The following ZNF28 variants were observed in gnomAD, a reference collection of about 807,000 sequenced individuals.
ZNF28 encodes the protein zinc finger protein KOX24.
Under a neutral mutation model 7.2 loss-of-function variants are expected in ZNF28, and 5 were observed. That is an observed-to-expected ratio of 0.70 (90% CI 0.36 to 1.46). ZNF28 has a LOEUF of 1.46. ZNF28 is among the 40% of genes most tolerant of loss of function. The probability of loss-of-function intolerance (pLI) is 0.03; values close to 1 mark genes in which losing one functional copy is unlikely to be tolerated. For missense variants in ZNF28, 879 were observed against 866.6 expected (o/e 1.01, Z -0.18); for synonymous variants, 288 against 292.4 (o/e 0.99, Z 0.15).
At chr19:52,815,040 C>A (rs2063104053) in intron 2 of ZNF28, among the ~76,000 whole-genome samples, 1 of 143,644 alleles carries the variant, frequency 7.0e-6, no homozygotes, top group Non-Finnish European at 1.5e-5. Context: ...TCAAAGTATA[C>A]ATGTGTGTAT....
At chr19:52,811,774 C>T (rs1171033809) in intron 2 of ZNF28, among the ~76,000 whole-genome samples, 1 of 148,286 alleles carries the variant, frequency 6.7e-6, no homozygotes, top group South Asian at 2.1e-4. Flanking sequence ...GGGGGTCAGC[C>T]CCCCGCCCGG....
chr19:52,798,767 T>G lies in ZNF28; in HGVS notation c.*921A>C. 1.5e-6 allele frequency: 1 copy of G among 646,218 alleles called. No homozygotes were observed. The highest frequency in any genetic ancestry group is 2.7e-6 in the Non-Finnish European group (1 of 369,556). 40.0% of individuals were successfully genotyped at this position (646,218 alleles called of 1,614,324 possible). Reference sequence around the variant, plus strand: ...GAAAAATCTGTCACATTTATTACACTTGTAAGATCTCTCATTATGGATTCT... The same window carrying G: ...GAAAAATCTGTCACATTTATTACACGTGTAAGATCTCTCATTATGGATTCT... On this transcript the variant is annotated 3_prime_UTR_variant, in exon 4 of 4. Coordinates refer to ENST00000457749, the MANE Select transcript of ZNF28 (RefSeq NM_006969.5).
At chr19:52,810,281 TGAG>T (rs1202867341) in intron 2 of ZNF28, 17 of 1,460,350 alleles carry the variant, frequency 1.2e-5, no homozygotes, top group South Asian at 1.1e-5. Context: ...TCACGTCCAT[TGAG>T]GAGAAGATGG....
chr19:52,810,275 G>A (rs1338690439), intron 2 of ZNF28: 8 of 1,426,900 alleles, frequency 5.6e-6, no homozygotes, highest in African/African-American at 1.4e-5. Context: ...CAGTGATCAC[G>A]TCCATTGAGG....
Position 52,799,824 on chromosome 19 carries a change from T to G in ZNF28, c.2021A>C (p.Gln674Pro), listed in dbSNP as rs142168035. The G allele has an allele frequency of 8.1e-6, 13 of 1,613,348 alleles. No individual in the cohort carries two copies. Among genetic ancestry groups the G allele is most frequent in the African/African-American group, 1.3e-5 (1 of 74,674 alleles). The change falls in exon 4 of 4, where the codon CAA becomes CCA. Residue 674 changes from glutamine (Q) to proline (P), a missense_variant. Gln to Pro is a moderately conservative substitution (Grantham distance 76). Coordinates refer to ENST00000457749, the MANE Select transcript of ZNF28 (RefSeq NM_006969.5). ...CTGATGCTGTGCAAGGTGTGCTTGT[T>G]GATTAAAAACCTTGCCACATTCATT... is the stretch of plus-strand genomic sequence containing the variant. ...KCNECGKVFNQQAHLAQHQRV... is the reference protein window; with the variant it reads ...KCNECGKVFNPQAHLAQHQRV...
At chr19:52,811,794 C>G (rs1448879568) in intron 2 of ZNF28, among the ~76,000 whole-genome samples, 4 of 149,426 alleles carry the variant, frequency 2.7e-5, no homozygotes, top group Non-Finnish European at 4.5e-5. Context: ...GCCAGCCGCC[C>G]CGTCCGGGAG....
chr19:52,810,433 G>C (rs555363271), intron 2 of ZNF28: 1 of 1,601,676 alleles, frequency 6.2e-7, no homozygotes, highest in Non-Finnish European at 8.5e-7. Context: ...CATCCCAAAG[G>C]GTTTGCATAT....
intron 2 of ZNF28, among the ~76,000 whole-genome samples, chr19:52,816,009 C>A (rs1423540002): frequency 2.0e-5 from 3 of 146,524 alleles, no homozygotes. Context: ...TTTAAAGTCT[C>A]ATAATGATGC....
chr19:52,811,776 C>G (rs2063047130), intron 2 of ZNF28, among the ~76,000 whole-genome samples: 1 of 148,542 alleles, frequency 6.7e-6, no homozygotes, highest in Non-Finnish European at 1.5e-5. Flanking sequence ...GGGTCAGCCC[C>G]CCGCCCGGCC....
chr19:52,821,094 T>A (rs74882957), intron 1 of ZNF28, among the ~76,000 whole-genome samples: 1 of 134,856 alleles, frequency 7.4e-6, no homozygotes, highest in African/African-American at 2.9e-5. Context: ...GGAGGGGAGA[T>A]CTGGGGAGCA....
At position 52,808,080 on chromosome 19, in the gene ZNF28, T is replaced by C. The variant is rs776907911; in HGVS notation, c.69A>G (p.Lys23=). The part of the protein sequence containing the change: ...VAIEFSQEEW[K]CLDPAQRTLY... The stretch of plus-strand genomic sequence containing the variant: ...GAGTCCTCTGAGCAGGGTCCAGGCA[T>C]TTCCACTCCTCCTGAGAGAATTCTA... The change falls in exon 3 of 4, where the codon AAA becomes AAG. Residue 23 remains lysine (K), a synonymous_variant. Coordinates refer to ENST00000457749, the MANE Select transcript of ZNF28 (RefSeq NM_006969.5). 3.1e-6 allele frequency: 5 copies of C among 1,613,522 alleles called. No homozygotes were observed. Among genetic ancestry groups the C allele is most frequent in the East Asian group, 4.5e-5 (2 of 44,846 alleles).
chr19:52,809,823 G>GGCA lies in ZNF28; in HGVS notation c.16-1691_16-1690insTGC, dbSNP rs937356672. On this transcript the variant is annotated intron_variant, in intron 2 of 3. Transcript: ENST00000457749. ...AAAGGAGCCCAGTCTGAGCGGCGAA[G>GGCA]GCGGCGGCGGCGGCGGTGGCGGTGG... The GGCA allele has an allele frequency of 4.1e-3, 1,736 of 423,052 alleles. 6 individuals carry two copies. Among genetic ancestry groups the GGCA allele is most frequent in the Non-Finnish European group, 5.1e-3 (1,255 of 243,948 alleles). The allele number at this position is 423,052 out of a possible 1,614,324, so 26.2% of individuals were successfully genotyped here.
In ZNF28 at chr19:52,797,828, GA is replaced by G; in HGVS notation, c.*1859del. On this transcript the variant is annotated 3_prime_UTR_variant, in exon 4 of 4. Coordinates refer to ENST00000457749, the MANE Select transcript of ZNF28 (RefSeq NM_006969.5). ...GAAATCCCCATAACTTTTTGTTAAA[GA>G]AACAAAAAACAGGCCAGTCACGGTG... The G allele has an allele frequency of 6.6e-6, 1 of 152,022 alleles. No individual in the cohort carries two copies. Among genetic ancestry groups the G allele is most frequent in the South Asian group, 2.1e-4 (1 of 4,812 alleles). The allele number at this position is 152,022 out of a possible 1,614,324, so 9.4% of individuals were successfully genotyped here.
chr19:52,820,673 T>G (rs1045402551), intron 1 of ZNF28, among the ~76,000 whole-genome samples: 5 of 152,158 alleles, frequency 3.3e-5, no homozygotes, highest in African/African-American at 4.8e-5. Flanking sequence ...CTCACTCTGA[T>G]GAGCCTCCAC....
intron 3 of ZNF28, chr19:52,805,370 A>G (rs2062923832): frequency 6.6e-6 from 1 of 152,092 alleles, no homozygotes; most frequent in Non-Finnish European, 1.5e-5. Flanking sequence ...CACGCCAATA[A>G]TCCCAGCACT....
chr19:52,818,307 A>T lies in ZNF28; in HGVS notation c.-73-276T>A, dbSNP rs1479445401. 3.3e-5 allele frequency among the ~76,000 whole-genome samples: 5 copies of T among 152,264 alleles called. No homozygotes were observed. In the East Asian group the frequency reaches 9.7e-4, roughly 29 times the overall value. On this transcript the variant is annotated intron_variant, in intron 1 of 3. Coordinates refer to ENST00000457749, the MANE Select transcript of ZNF28 (RefSeq NM_006969.5). The stretch of plus-strand genomic sequence containing the variant: ...AACTTAGCCAGATATGGTGGTGCGC[A>T]TCTGTGTGTCTGTGGTCCCAGCTAC...
In ZNF28 at chr19:52,808,629, C is replaced by CA. The variant is rs373465619; in HGVS notation, c.16-497dup. On this transcript the variant is annotated intron_variant, in intron 2 of 3. Coordinates refer to ENST00000457749, the MANE Select transcript of ZNF28 (RefSeq NM_006969.5). ...AGCCTGGGCAACAGAAACTCCATCT[C>CA]AAAAAAAAAAAAATTAAAAAAAAAA... is the stretch of plus-strand genomic sequence containing the variant. Among the ~76,000 whole-genome samples the CA allele has an allele frequency of 7.7e-3, 943 of 122,084 alleles. 9 individuals carry two copies. Among genetic ancestry groups the CA allele is most frequent in the African/African-American group, 0.023 (773 of 32,982 alleles). The allele number at this position is 122,084 out of a possible 152,430, so 80.1% of individuals were successfully genotyped here. A position where few individuals can be genotyped will look rare whatever the true frequency, so the allele number is the denominator to read the frequency against.
At chr19:52,809,465 G>A (rs988482792) in intron 2 of ZNF28, among the ~76,000 whole-genome samples, 16 of 152,276 alleles carry the variant, frequency 1.1e-4, no homozygotes, top group African/African-American at 3.4e-4. Flanking sequence ...AATAGACACT[G>A]GCGTCTACTT....
chr19:52,800,556 CTA>C lies in ZNF28; in HGVS notation c.1287_1288del (p.His429GlnfsTer13), dbSNP rs746744634. 77 of 1,604,638 alleles carry C rather than the reference CTA, an allele frequency of 4.8e-5. No homozygotes were observed. The highest frequency in any genetic ancestry group is 6.2e-5 in the Non-Finnish European group (73 of 1,177,236). On this transcript the variant is annotated frameshift_variant, in exon 4 of 4. Transcript: ENST00000457749. LOFTEE classifies it low-confidence loss of function (END_TRUNC). ...AGGCTTCTCTCCAGTGTGAATTATA[CTA>C]TGTTTTGCCAGGTATGAATTATATG...
Sources: allele counts gnomAD v4.1 joint callset (sites outside exome capture counted in the v4.1 genomes callset), GRCh38; gene constraint gnomAD v4.1.1; transcripts MANE v1.5; gene names NCBI Gene and HGNC (gene_info 2026-07-23, HGNC 2026-07-21).